PIP4P2: variants seen among roughly 807,000 people sequenced by gnomAD.
PIP4P2 encodes type 2 phosphatidylinositol 4,5-bisphosphate 4-phosphatase.
Under a neutral mutation model 33.3 loss-of-function variants are expected in PIP4P2, and 19 were observed. That is an observed-to-expected ratio of 0.57 (90% confidence interval 0.40 to 0.84). The LOEUF (loss-of-function observed/expected upper bound fraction) is 0.84. Among genes scored for constraint, PIP4P2 ranks in the 40% least tolerant of loss-of-function variants. The pLI is 0.00. For missense variants in PIP4P2, 270 were observed against 324.7 expected (o/e 0.83, Z 1.29); for synonymous variants, 110 against 111.9 (o/e 0.98, Z 0.11).
chr8:91,018,562 G>C, intron 3 of PIP4P2, 49 bp from the exon 4 acceptor site: 1 of 1,610,390 alleles, frequency 6.2e-7, no homozygotes, highest in Non-Finnish European at 8.5e-7. Flanking sequence ...AATGGACTGA[G>C]AGCAAAACCT....
intron 5 of PIP4P2, among the ~76,000 whole-genome samples, chr8:91,003,622 A>T (rs1482622312): frequency 6.6e-6 from 1 of 152,134 alleles, no homozygotes; most frequent in Non-Finnish European, 1.5e-5. Flanking sequence ...TGACCATGAG[A>T]TATCAAGTTG....
At chr8:91,035,647 C>A (rs1164741916) in intron 1 of PIP4P2, among the ~76,000 whole-genome samples, 4 of 152,172 alleles carry the variant, frequency 2.6e-5, no homozygotes, top group African/African-American at 9.7e-5. Flanking sequence ...TACTCTTTCT[C>A]CCTAGGTTAT....
At chr8:90,999,406 C>A (rs1368382007) in intron 5 of PIP4P2, among the ~76,000 whole-genome samples, 1 of 152,034 alleles carries the variant, frequency 6.6e-6, no homozygotes, top group African/African-American at 2.4e-5. Context: ...GCTGTACTCC[C>A]TGATTGGTAT....
chr8:91,028,486 A>G (rs191253425), intron 1 of PIP4P2, among the ~76,000 whole-genome samples: 16 of 152,344 alleles, frequency 1.1e-4, no homozygotes, highest in Admixed American at 2.6e-4. Flanking sequence ...CAAAGCGGCT[A>G]TCAAGTGATA....
intron 1 of PIP4P2, 157 bp from the exon 2 acceptor site, chr8:91,021,561 C>A (rs1309811622): frequency 5.1e-6 from 4 of 781,322 alleles, no homozygotes; most frequent in Non-Finnish European, 7.8e-6. Flanking sequence ...TTTTAGAGCA[C>A]AAACATCCAT....
chr8:91,003,425 TA>T (rs1311388127), intron 5 of PIP4P2, among the ~76,000 whole-genome samples: 1 of 152,152 alleles, frequency 6.6e-6, no homozygotes, highest in African/African-American at 2.4e-5. Flanking sequence ...TGGAGAATGA[TA>T]AAAAATACAC....
At chr8:91,019,093 G>A (rs1222693436) in intron 3 of PIP4P2, among the ~76,000 whole-genome samples, 1 of 151,922 alleles carries the variant, frequency 6.6e-6, no homozygotes, top group Non-Finnish European at 1.5e-5. Context: ...CACAAGTAAG[G>A]CCTTTATATA....
chr8:91,025,408 G>A (rs983872040), intron 1 of PIP4P2, among the ~76,000 whole-genome samples: 6 of 152,188 alleles, frequency 3.9e-5, no homozygotes, highest in African/African-American at 7.2e-5. Flanking sequence ...TCTATTTTAT[G>A]CCAAACAGCC....
chr8:91,030,211 C>A (rs1425970494), intron 1 of PIP4P2, among the ~76,000 whole-genome samples: 1 of 95,016 alleles, frequency 1.1e-5, no homozygotes, highest in Non-Finnish European at 2.5e-5. Flanking sequence ...AAGACTCCAT[C>A]TCAAAAAAAA....
At chr8:91,030,900 A>AT (rs1267020333) in intron 1 of PIP4P2, among the ~76,000 whole-genome samples, 3 of 152,204 alleles carry the variant, frequency 2.0e-5, no homozygotes, top group African/African-American at 7.2e-5. Flanking sequence ...GACATGGCTT[A>AT]TTATGGTGGT....
At chr8:91,020,316 CA>C (rs1031259181) in intron 2 of PIP4P2, 53 bp from the exon 3 acceptor site, 1 of 1,534,892 alleles carries the variant, frequency 6.5e-7, no homozygotes, top group African/African-American at 1.4e-5. Flanking sequence ...TACAGATTGT[CA>C]AAGTTTGTTT....
chr8:90,999,394 C>G (rs1811673199), intron 5 of PIP4P2, among the ~76,000 whole-genome samples: 1 of 152,062 alleles, frequency 6.6e-6, no homozygotes, highest in Non-Finnish European at 1.5e-5. Context: ...GGTTGGTAGT[C>G]AGCTGTACTC....
At chr8:91,032,211 A>G (rs576252530) in intron 1 of PIP4P2, among the ~76,000 whole-genome samples, 2 of 152,332 alleles carry the variant, frequency 1.3e-5, no homozygotes, top group South Asian at 4.1e-4. Context: ...AAGTCCAGAA[A>G]AAGGAACCAT....
chr8:91,036,641 C>T (rs1812235557), intron 1 of PIP4P2, among the ~76,000 whole-genome samples: 1 of 152,200 alleles, frequency 6.6e-6, no homozygotes, highest in South Asian at 2.1e-4. Flanking sequence ...GTCATCTATT[C>T]TTGTCTACTC....
Position 90,995,152 on chromosome 8 carries a change from C to G in PIP4P2, c.*525G>C, listed in dbSNP as rs1204596175. Reference sequence around the variant, plus strand: ...TTTTCCTCTGACAAGAATGTCAAGTCTTTGAAGTTACACTAAATTTTTTTT... The same window carrying G: ...TTTTCCTCTGACAAGAATGTCAAGTGTTTGAAGTTACACTAAATTTTTTTT... On this transcript the variant is annotated 3_prime_UTR_variant, in exon 7 of 7. Transcript: ENST00000285419. 1 of 145,996 alleles carries G rather than the reference C, an allele frequency of 6.8e-6. No individual in the cohort carries two copies. The highest frequency in any genetic ancestry group is 2.4e-5 in the African/African-American group (1 of 40,976). 9.0% of individuals were successfully genotyped at this position (145,996 alleles called of 1,614,324 possible).
intron 1 of PIP4P2, among the ~76,000 whole-genome samples, chr8:91,026,879 T>C (rs1392683433): frequency 6.6e-6 from 1 of 152,154 alleles, no homozygotes; most frequent in Non-Finnish European, 1.5e-5. Flanking sequence ...CAGTAGTTGA[T>C]TGTGATGTTT....
chr8:91,013,316 G>A (rs556938589), intron 4 of PIP4P2, among the ~76,000 whole-genome samples: 7 of 152,204 alleles, frequency 4.6e-5, no homozygotes, highest in East Asian at 1.9e-4. Context: ...AAGATAAAAC[G>A]TAACAAGAAA....
In PIP4P2 at chr8:91,004,782, G is replaced by T. The variant is rs116267177; in HGVS notation, c.539+3961C>A. 1.7e-3 allele frequency among the ~76,000 whole-genome samples: 260 copies of T among 152,194 alleles called. 1 individual carries two copies. The highest frequency in any genetic ancestry group is 6.1e-3 in the African/African-American group (253 of 41,514). ...ACGAGTATGAAATACAAAAATGAGA[G>T]AATTCACAGATAGCCTCAATTATTT... On this transcript the variant is annotated intron_variant, in intron 5 of 6. Transcript: ENST00000285419.
intron 5 of PIP4P2, among the ~76,000 whole-genome samples, chr8:90,998,863 G>A (rs1186843835): frequency 2.0e-5 from 3 of 151,942 alleles, no homozygotes; most frequent in African/African-American, 4.8e-5. Flanking sequence ...ATAGGAACAG[G>A]CAAAGATTTC....
Sources: gnomAD v4.1 joint callset for allele counts (sites outside exome capture counted in the v4.1 genomes callset) on GRCh38, gnomAD v4.1.1 for gene constraint, MANE v1.5 for transcripts, NCBI Gene and HGNC (gene_info 2026-07-23, HGNC 2026-07-21) for gene names.